Variants in CDH13 observed in about 807,000 individuals in gnomAD.
CDH13 encodes cadherin 13.
A neutral mutation model predicts 63.8 loss-of-function variants in CDH13; 24 were observed. The ratio of observed to expected loss-of-function variants is 0.38; its 90% CI spans 0.27 to 0.53. CDH13 has a LOEUF of 0.53. CDH13 is among the 20% of genes least tolerant of loss of function. The pLI is 0.85. For synonymous variants in CDH13, 503 were observed against 355.3 expected (o/e 1.42, Z -4.67); for missense variants, 1,049 against 903.1 (o/e 1.16, Z -2.07).
At chr16:82,881,225 A>G (rs536228898) in intron 2 of CDH13, among the ~76,000 whole-genome samples, 4 of 152,268 alleles carry the variant, frequency 2.6e-5, no homozygotes, top group African/African-American at 7.2e-5. Flanking sequence ...TCTCTGGGCC[A>G]TCTTGCATAG....
intron 5 of CDH13, among the ~76,000 whole-genome samples, chr16:83,235,317 G>T (rs1331578765): frequency 6.6e-6 from 1 of 152,172 alleles, no homozygotes; most frequent in Non-Finnish European, 1.5e-5. Context: ...AGTGCCAATA[G>T]TGTCACTGCG....
intron 1 of CDH13, among the ~76,000 whole-genome samples, chr16:82,689,447 T>C (rs1567629640): frequency 6.6e-6 from 1 of 152,182 alleles, no homozygotes; most frequent in Non-Finnish European, 1.5e-5. Context: ...TTACATAACA[T>C]TGGATTTTTT....
At chr16:83,579,578 A>G (rs529055669) in intron 7 of CDH13, among the ~76,000 whole-genome samples, 1 of 151,872 alleles carries the variant, frequency 6.6e-6, no homozygotes, top group Non-Finnish European at 1.5e-5. Context: ...TGATCCAGTC[A>G]CCTCCCACCA....
intron 5 of CDH13, among the ~76,000 whole-genome samples, chr16:83,256,303 G>A (rs1222364788): frequency 6.6e-6 from 1 of 152,062 alleles, no homozygotes; most frequent in Non-Finnish European, 1.5e-5. Context: ...AAAGTGCTGG[G>A]ATTACGAGCA....
chr16:82,804,180 ATCACG>A (rs145093696), intron 1 of CDH13, among the ~76,000 whole-genome samples: 29 of 151,308 alleles, frequency 1.9e-4, no homozygotes, highest in African/African-American at 3.4e-4. Context: ...GTGAGCTGAG[ATCACG>A]CTACTGCACT....
chr16:83,068,570 T>A (rs945116676), intron 3 of CDH13, among the ~76,000 whole-genome samples: 1 of 152,178 alleles, frequency 6.6e-6, no homozygotes, highest in African/African-American at 2.4e-5. Flanking sequence ...GGCCTGACCC[T>A]CTGAACCAGC....
At chr16:83,722,905 C>T (rs1909885803) in intron 10 of CDH13, among the ~76,000 whole-genome samples, 1 of 152,224 alleles carries the variant, frequency 6.6e-6, no homozygotes, top group South Asian at 2.1e-4. Context: ...TTTTACTACA[C>T]TGAGGTCCCA....
intron 7 of CDH13, among the ~76,000 whole-genome samples, chr16:83,586,489 CCTGT>C (rs1390571971): frequency 2.0e-5 from 3 of 152,180 alleles, no homozygotes; most frequent in African/African-American, 4.8e-5. Context: ...TTATCAACAT[CCTGT>C]CTGTCTGGGA....
At chr16:83,217,248 A>G (rs1367050005) in intron 4 of CDH13, 97 bp from the exon 5 acceptor site, 4 of 1,215,782 alleles carry the variant, frequency 3.3e-6, no homozygotes, top group South Asian at 1.3e-5. Context: ...ATGTGCTGGC[A>G]CCTGTGATTA....
At chr16:83,108,302 T>A (rs1280965647) in intron 3 of CDH13, among the ~76,000 whole-genome samples, 1 of 152,156 alleles carries the variant, frequency 6.6e-6, no homozygotes, top group Non-Finnish European at 1.5e-5. Context: ...ATGCCCCACC[T>A]GTAAATGTTT....
chr16:83,068,884 G>C (rs1388112749), intron 3 of CDH13, among the ~76,000 whole-genome samples: 1 of 152,132 alleles, frequency 6.6e-6, no homozygotes. Context: ...TTTTCCAAAA[G>C]GAAGTATGGT....
chr16:82,792,150 C>T (rs889711429), intron 1 of CDH13, among the ~76,000 whole-genome samples: 4 of 152,080 alleles, frequency 2.6e-5, no homozygotes, highest in African/African-American at 7.2e-5. Context: ...GAGCCATCCC[C>T]GGTTCCTTGA....
rs1449876670 is a variant in CDH13, at chr16:83,795,331, A to G, written c.*301A>G. The G allele has an allele frequency of 1.5e-5, 6 of 398,326 alleles. No homozygotes were observed. The highest frequency in any genetic ancestry group is 2.7e-5 in the Non-Finnish European group (6 of 219,186). The allele number at this position is 398,326 out of a possible 1,614,324, so 24.7% of individuals were successfully genotyped here. Reference sequence around the variant, plus strand: ...TGACTACTTTTTCTGGTGTGTTAACATGTCGCTAGCCAGTGCTCCAGGCAC... The same window carrying G: ...TGACTACTTTTTCTGGTGTGTTAACGTGTCGCTAGCCAGTGCTCCAGGCAC... On this transcript the variant is annotated 3_prime_UTR_variant, in exon 14 of 14. Coordinates refer to ENST00000567109, the MANE Select transcript of CDH13 (RefSeq NM_001257.5).
At chr16:82,970,776 C>G (rs1908624625) in intron 2 of CDH13, among the ~76,000 whole-genome samples, 1 of 152,098 alleles carries the variant, frequency 6.6e-6, no homozygotes, top group South Asian at 2.1e-4. Context: ...CCAAAGTCCC[C>G]TCTATTATTT....
At chr16:82,964,815 C>G (rs953977849) in intron 2 of CDH13, among the ~76,000 whole-genome samples, 19 of 152,188 alleles carry the variant, frequency 1.2e-4, no homozygotes, top group African/African-American at 4.6e-4. Flanking sequence ...CCAGTCCTGT[C>G]GAAATGACTG....
intron 1 of CDH13, among the ~76,000 whole-genome samples, chr16:82,828,411 A>T (rs1226152212): frequency 6.6e-6 from 1 of 152,130 alleles, no homozygotes; most frequent in Non-Finnish European, 1.5e-5. Context: ...TGAGGCCAGG[A>T]GTTCAATACT....
chr16:83,304,510 G>T (rs1218884495), intron 5 of CDH13, among the ~76,000 whole-genome samples: 1 of 152,122 alleles, frequency 6.6e-6, no homozygotes, highest in Non-Finnish European at 1.5e-5. Context: ...CAGAATCTAA[G>T]AGCTGGCTAC....
chr16:83,411,116 T>C (rs1181644282), intron 6 of CDH13, among the ~76,000 whole-genome samples: 1 of 152,114 alleles, frequency 6.6e-6, no homozygotes, highest in African/African-American at 2.4e-5. Flanking sequence ...ACAGATAGGG[T>C]TCTTTCTATG....
intron 6 of CDH13, among the ~76,000 whole-genome samples, chr16:83,387,488 C>G (rs1199030952): frequency 6.6e-6 from 1 of 152,126 alleles, no homozygotes; most frequent in African/African-American, 2.4e-5. Context: ...AAATTATACA[C>G]AGAGGATTGT....
Sources: allele counts gnomAD v4.1 joint callset (sites outside exome capture counted in the v4.1 genomes callset), GRCh38; gene constraint gnomAD v4.1.1; transcripts MANE v1.5; gene names NCBI Gene and HGNC (gene_info 2026-07-23, HGNC 2026-07-21).